The following MTTP variants were observed in gnomAD, a reference collection of about 807,000 sequenced individuals.
MTTP encodes microsomal triglyceride transfer protein, also known as microsomal triglyceride transfer protein large subunit.
A neutral mutation model predicts 90.6 loss-of-function variants in MTTP; 49 were observed. The observed-to-expected ratio is 0.54, with a 90% CI of 0.43 to 0.69. The LOEUF is 0.69. Ranked by LOEUF, MTTP falls within the 30% of genes least tolerant of loss-of-function variation. The probability of loss-of-function intolerance (pLI) is 0.00; values close to 1 mark genes in which losing one functional copy is unlikely to be tolerated. For synonymous variants in MTTP, 347 were observed against 384.2 expected (o/e 0.90, Z 1.13); for missense variants, 945 against 1,067.5 (o/e 0.89, Z 1.60).
intron 2 of MTTP, 107 bp from the exon 3 acceptor site, chr4:99,583,267 A>G: frequency 8.0e-7 from 1 of 1,256,782 alleles, no homozygotes; most frequent in East Asian, 2.3e-5. Flanking sequence ...TGACAGAAGA[A>G]ATTGTGGCCA....
intron 10 of MTTP, among the ~76,000 whole-genome samples, chr4:99,605,069 A>G (rs1725780838): frequency 6.6e-6 from 1 of 152,124 alleles, no homozygotes; most frequent in Non-Finnish European, 1.5e-5. Flanking sequence ...GTTAAACTGA[A>G]TTTTGATAAT....
intron 15 of MTTP, among the ~76,000 whole-genome samples, chr4:99,618,261 C>T (rs1213941466): frequency 6.6e-6 from 1 of 152,118 alleles, no homozygotes; most frequent in Non-Finnish European, 1.5e-5. Context: ...ATACTCAGGG[C>T]TGGGCATAGG....
intron 1 of MTTP, chr4:99,564,378 C>A: frequency 5.0e-6 from 4 of 799,690 alleles, no homozygotes; most frequent in South Asian, 4.5e-5. Flanking sequence ...CAGAAAATTA[C>A]CATATCACAT....
Position 99,622,908 on chromosome 4 carries a change from A to G in MTTP, c.*60A>G. 6.5e-7 allele frequency: 1 copy of G among 1,530,972 alleles called. No homozygotes were observed. Among genetic ancestry groups the G allele is most frequent in the South Asian group, 1.1e-5 (1 of 89,372 alleles). The allele number at this position is 1,530,972 out of a possible 1,614,324, so 94.8% of individuals were successfully genotyped here. A position where few individuals can be genotyped will look rare whatever the true frequency, so the allele number is the denominator to read the frequency against. On this transcript the variant is annotated 3_prime_UTR_variant, in exon 18 of 18. Coordinates refer to ENST00000265517, the MANE Select transcript of MTTP (RefSeq NM_001386140.1). ...CCCGAAAGGGACACAATGTGGCATGACTAAGTACTTGCTCTCTGAGAGCAC... is the reference window on the plus strand; with the variant it reads ...CCCGAAAGGGACACAATGTGGCATGGCTAAGTACTTGCTCTCTGAGAGCAC...
At chr4:99,621,004 T>C in intron 16 of MTTP, 57 bp from the exon 17 acceptor site, 1 of 1,518,424 alleles carries the variant, frequency 6.6e-7, no homozygotes. Flanking sequence ...CAGCTGTTAG[T>C]CCAATACCAT....
intron 1 of MTTP, among the ~76,000 whole-genome samples, chr4:99,577,069 C>T (rs944063539): frequency 9.2e-5 from 14 of 152,146 alleles, no homozygotes; most frequent in Admixed American, 7.9e-4. Flanking sequence ...AACTTGAGAG[C>T]TTCTTTACCT....
intron 8 of MTTP, among the ~76,000 whole-genome samples, chr4:99,600,071 G>A (rs1440929887): frequency 6.6e-6 from 1 of 152,024 alleles, no homozygotes; most frequent in African/African-American, 2.4e-5. Context: ...TTTTTAAAAA[G>A]AGGAAAACCT....
At chr4:99,609,064 G>A in intron 12 of MTTP, 87 bp downstream of exon 12, 3 of 1,258,444 alleles carry the variant, frequency 2.4e-6, no homozygotes, top group Non-Finnish European at 3.5e-6. Context: ...TAATGATGTG[G>A]TCATTATGCA....
At chr4:99,622,603 A>G (rs1726263760) in intron 17 of MTTP, 74 bp from the exon 18 acceptor site, 2 of 1,506,676 alleles carry the variant, frequency 1.3e-6, no homozygotes, top group South Asian at 1.1e-5. Context: ...AAGTACATTC[A>G]GTAACTTGGC....
At chr4:99,617,874 C>T (rs1447350420) in intron 15 of MTTP, among the ~76,000 whole-genome samples, 1 of 152,234 alleles carries the variant, frequency 6.6e-6, no homozygotes, top group African/African-American at 2.4e-5. Flanking sequence ...TGACTATTAA[C>T]TCAGTGTCAT....
chr4:99,570,299 A>C (rs981262988), upstream of MTTP, among the ~76,000 whole-genome samples: 1 of 152,154 alleles, frequency 6.6e-6, no homozygotes, highest in East Asian at 1.9e-4. Flanking sequence ...TTAATTCACA[A>C]GTATTTTCTC....
intron 3 of MTTP, among the ~76,000 whole-genome samples, chr4:99,586,060 T>C (rs1245020634): frequency 6.6e-6 from 1 of 152,162 alleles, no homozygotes; most frequent in African/African-American, 2.4e-5. Context: ...CTGAAGTTTC[T>C]GGGATTTCAA....
chr4:99,568,495 C>A (rs1379022620), intron 1 of MTTP, among the ~76,000 whole-genome samples: 1 of 152,070 alleles, frequency 6.6e-6, no homozygotes, highest in Non-Finnish European at 1.5e-5. Context: ...CAAAGAAGAT[C>A]TAAATAAATG....
intron 1 of MTTP, 61 bp from the exon 2 acceptor site, chr4:99,581,844 A>G (rs1725122652): frequency 6.5e-7 from 1 of 1,549,774 alleles, no homozygotes; most frequent in Non-Finnish European, 8.9e-7. Context: ...AGATGCACTG[A>G]TGGTGAGACA....
At chr4:99,601,500 A>C in intron 9 of MTTP, 107 bp from the exon 10 acceptor site, 1 of 895,218 alleles carries the variant, frequency 1.1e-6, no homozygotes, top group Non-Finnish European at 1.8e-6. Context: ...TGCAATCTAG[A>C]AACATAAAAA....
chr4:99,622,435 AG>A (rs1248072327), intron 17 of MTTP, among the ~76,000 whole-genome samples: 3 of 152,224 alleles, frequency 2.0e-5, no homozygotes, highest in Non-Finnish European at 4.4e-5. Flanking sequence ...AAATGAATTT[AG>A]TCTTTCATTC....
intron 2 of MTTP, 100 bp downstream of exon 2, chr4:99,582,192 C>T: frequency 4.0e-6 from 5 of 1,245,586 alleles, no homozygotes; most frequent in South Asian, 3.8e-5. Flanking sequence ...GTTTATAAAT[C>T]CATTTAGTTT....
intron 15 of MTTP, 77 bp from the exon 16 acceptor site, chr4:99,618,897 A>G: frequency 6.4e-7 from 1 of 1,566,428 alleles, no homozygotes; most frequent in Non-Finnish European, 8.7e-7. Flanking sequence ...GCAGGAGGTC[A>G]AATGTGCCAT....
At chr4:99,579,172 T>C (rs902665404) in intron 1 of MTTP, among the ~76,000 whole-genome samples, 2 of 152,174 alleles carry the variant, frequency 1.3e-5, no homozygotes, top group African/African-American at 4.8e-5. Flanking sequence ...TACTTCCTTC[T>C]CCTGGCTCTT....
Sources: allele counts gnomAD v4.1 joint callset (sites outside exome capture counted in the v4.1 genomes callset), GRCh38; gene constraint gnomAD v4.1.1; transcripts MANE v1.5; gene names NCBI Gene and HGNC (gene_info 2026-07-23, HGNC 2026-07-21).